RALGPS1: variants seen among roughly 807,000 people sequenced by gnomAD.
RALGPS1 encodes Ral GEF with PH domain and SH3 binding motif 1.
Under a neutral mutation model 78.8 loss-of-function variants are expected in RALGPS1, and 19 were observed. The ratio of observed to expected loss-of-function variants is 0.24; its 90% CI spans 0.17 to 0.35. The LOEUF (loss-of-function observed/expected upper bound fraction) is 0.35, where lower values mean the gene tolerates loss of function less well. Ranked by LOEUF, RALGPS1 falls within the 10% of genes least tolerant of loss-of-function variation. The probability of loss-of-function intolerance (pLI) is 1.00; values close to 1 mark genes in which losing one functional copy is unlikely to be tolerated. For synonymous variants in RALGPS1, 228 were observed against 256.3 expected (o/e 0.89, Z 1.06); for missense variants, 454 against 688.3 (o/e 0.66, Z 3.81).
At chr9:127,060,151 T>G (rs1362300111) in intron 7 of RALGPS1, among the ~76,000 whole-genome samples, 2 of 152,074 alleles carry the variant, frequency 1.3e-5, no homozygotes, top group African/African-American at 4.8e-5. Context: ...GGGCTGTAAT[T>G]CAGCTACCCG....
At chr9:127,092,351 C>T (rs2052587247) in intron 8 of RALGPS1, among the ~76,000 whole-genome samples, 1 of 152,110 alleles carries the variant, frequency 6.6e-6, no homozygotes, top group African/African-American at 2.4e-5. Context: ...GTGAGGGTCA[C>T]GTGTAAGCTG....
At position 126,917,405 on chromosome 9, in the gene RALGPS1, T is replaced by A. The variant is rs529176888; in HGVS notation, c.-66+2430T>A. Among the ~76,000 whole-genome samples, 5 of 152,326 alleles carry A rather than the reference T, an allele frequency of 3.3e-5. No homozygotes were observed. The East Asian group carries it at 9.6e-4, about 29-fold the overall frequency. The stretch of plus-strand genomic sequence containing the variant: ...ATTCAGGGTGGAGAGAAATACTTCA[T>A]TAATGAAAAATACTGCATGTGAGGC... On this transcript the variant is annotated intron_variant, in intron 1 of 18. Coordinates refer to ENST00000259351, the MANE Select transcript of RALGPS1 (RefSeq NM_014636.3).
intron 8 of RALGPS1, chr9:127,108,152 A>G (rs1272128636): frequency 6.2e-7 from 1 of 1,613,806 alleles, no homozygotes; most frequent in African/African-American, 1.3e-5. Context: ...ATGATCTCTG[A>G]TTGGTTGTGG....
chr9:127,218,965 C>T lies in RALGPS1; in HGVS notation c.*196C>T. On this transcript the variant is annotated 3_prime_UTR_variant, in exon 19 of 19. Coordinates refer to ENST00000259351, the MANE Select transcript of RALGPS1 (RefSeq NM_014636.3). The surrounding 1 kb of genome is among the most constrained non-coding windows in gnomAD (Gnocchi z 4.4). ...GGATCCACCTGTCAGTCCCCAGCGA[C>T]TCTCATGACACTCATTCTGCAGCAC... 1 of 641,570 alleles carries T rather than the reference C, an allele frequency of 1.6e-6. No homozygotes were observed. The highest frequency in any genetic ancestry group is 1.8e-5 in the South Asian group (1 of 56,298). The allele number at this position is 641,570 out of a possible 1,614,324, so 39.7% of individuals were successfully genotyped here.
chr9:127,204,187 G>A (rs2061806138), intron 14 of RALGPS1, among the ~76,000 whole-genome samples: 1 of 151,776 alleles, frequency 6.6e-6, no homozygotes, highest in Non-Finnish European at 1.5e-5. Flanking sequence ...TTTTGTTTTA[G>A]ACAGAGTCTC....
chr9:126,998,935 G>A (rs1404563209), intron 4 of RALGPS1, among the ~76,000 whole-genome samples: 5 of 144,370 alleles, frequency 3.5e-5, no homozygotes, highest in Non-Finnish European at 7.5e-5. Flanking sequence ...ACCAAACACC[G>A]CATGTTCTCA....
chr9:126,970,623 G>A (rs552735705), intron 3 of RALGPS1, among the ~76,000 whole-genome samples: 8 of 63,228 alleles, frequency 1.3e-4, no homozygotes, highest in South Asian at 4.1e-4. Context: ...AAGAGTGTGT[G>A]TGTGTGTGTA....
In RALGPS1 at chr9:127,218,879, A is replaced by C; in HGVS notation, c.*110A>C. 1.6e-6 allele frequency: 2 copies of C among 1,270,424 alleles called. No individual in the cohort carries two copies. The highest frequency in any genetic ancestry group is 2.3e-6 in the Non-Finnish European group (2 of 869,824). 78.7% of individuals were successfully genotyped at this position (1,270,424 alleles called of 1,614,324 possible). ...TGTGAGCCAGGGTGCTGGGAAACTC[A>C]CAGCTGGACTCAGGGGACACGGCCT... On this transcript the variant is annotated 3_prime_UTR_variant, in exon 19 of 19. Transcript: ENST00000259351. The surrounding 1 kb of genome is among the most constrained non-coding windows in gnomAD (Gnocchi z 4.4).
At chr9:127,164,066 GT>G (rs1173545440) in intron 8 of RALGPS1, among the ~76,000 whole-genome samples, 2 of 151,608 alleles carry the variant, frequency 1.3e-5, no homozygotes, top group African/African-American at 4.8e-5. Flanking sequence ...CAAATGGTTA[GT>G]TTTTTTTCTG....
intron 8 of RALGPS1, among the ~76,000 whole-genome samples, chr9:127,084,344 A>G (rs895942540): frequency 3.3e-5 from 5 of 152,234 alleles, no homozygotes; most frequent in South Asian, 2.1e-4. Context: ...CCCATCTTTC[A>G]TAGCTGTTGG....
intron 4 of RALGPS1, among the ~76,000 whole-genome samples, chr9:126,981,967 AG>A (rs1164682305): frequency 6.6e-6 from 1 of 152,154 alleles, no homozygotes; most frequent in African/African-American, 2.4e-5. Flanking sequence ...TCTGCTTCCA[AG>A]GTGGCTCGTG....
intron 14 of RALGPS1, among the ~76,000 whole-genome samples, chr9:127,203,258 C>G (rs931488598): frequency 1.3e-5 from 2 of 152,144 alleles, no homozygotes; most frequent in Admixed American, 1.3e-4. Context: ...TTTATTTTCC[C>G]TGTATTCTTC....
chr9:127,025,023 C>T (rs141198748), intron 4 of RALGPS1, among the ~76,000 whole-genome samples: 1 of 152,294 alleles, frequency 6.6e-6, no homozygotes, highest in Admixed American at 6.5e-5. Context: ...TGTCTGTCAA[C>T]CCCAAAAGTT....
intron 1 of RALGPS1, among the ~76,000 whole-genome samples, chr9:126,917,987 A>G (rs758227468): frequency 2.6e-4 from 40 of 152,322 alleles, no homozygotes; most frequent in Middle Eastern, 3.4e-3. Context: ...TTTTAAAAAT[A>G]TCTGTCTAGC....
At position 127,212,254 on chromosome 9, in the gene RALGPS1, T is replaced by C. The variant is rs1435654044; in HGVS notation, c.1353+18T>C. 1 of 1,582,778 alleles carries C rather than the reference T, an allele frequency of 6.3e-7. No individual in the cohort carries two copies. The highest frequency in any genetic ancestry group is 1.4e-5 in the African/African-American group (1 of 73,728). Reference sequence around the variant, plus strand: ...AGCCTGCGGTAAGTACAGACCCACATCCACCGGGGCAGCAGGGGCTTCCAC... The same window carrying C: ...AGCCTGCGGTAAGTACAGACCCACACCCACCGGGGCAGCAGGGGCTTCCAC... On this transcript the variant is annotated intron_variant, in intron 15 of 18. Transcript: ENST00000259351. The surrounding 1 kb of genome is among the most constrained non-coding windows in gnomAD (Gnocchi z 6.0).
intron 8 of RALGPS1, among the ~76,000 whole-genome samples, chr9:127,147,988 C>G (rs1046337530): frequency 1.3e-5 from 2 of 152,206 alleles, no homozygotes; most frequent in African/African-American, 2.4e-5. Flanking sequence ...TTAGAACTTA[C>G]AGTGAAGTCT....
At chr9:127,044,951 T>A (rs1191920472) in intron 5 of RALGPS1, among the ~76,000 whole-genome samples, 1 of 152,250 alleles carries the variant, frequency 6.6e-6, no homozygotes, top group Non-Finnish European at 1.5e-5. Flanking sequence ...TCAACATGAT[T>A]ATACTTCTAC....
At chr9:127,121,033 A>G (rs2056025461) in intron 8 of RALGPS1, among the ~76,000 whole-genome samples, 1 of 152,114 alleles carries the variant, frequency 6.6e-6, no homozygotes, top group South Asian at 2.1e-4. Context: ...GAGCCACACC[A>G]CTGGGTTCAA....
intron 14 of RALGPS1, among the ~76,000 whole-genome samples, chr9:127,209,784 G>A (rs948959036): frequency 2.6e-5 from 4 of 152,174 alleles, no homozygotes; most frequent in Non-Finnish European, 5.9e-5. Context: ...AATGTGTGAG[G>A]GCGGCCCCAC....
Sources: gnomAD v4.1 joint callset for allele counts (sites outside exome capture counted in the v4.1 genomes callset) on GRCh38, gnomAD v4.1.1 for gene constraint, Gnocchi (gnomAD v3.1) non-coding constraint, MANE v1.5 for transcripts, NCBI Gene and HGNC (gene_info 2026-07-23, HGNC 2026-07-21) for gene names.